NBEA: variants seen among roughly 807,000 people sequenced by gnomAD.
NBEA encodes neurobeachin.
Under a neutral mutation model 343.4 loss-of-function variants are expected in NBEA, and 44 were observed. The observed-to-expected ratio is 0.13, with a 90% CI of 0.10 to 0.16. The LOEUF is 0.16. Among genes scored for constraint, NBEA ranks in the 10% least tolerant of loss-of-function variants. The pLI is 1.00. For missense variants in NBEA, 2,555 were observed against 3,631.3 expected, an observed-to-expected ratio of 0.70 and a Z score of 7.62; for synonymous variants, 1,175 against 1,238.7, an observed-to-expected ratio of 0.95 and a Z score of 1.08.
chr13:35,140,471 C>T (rs2068024944), intron 17 of NBEA, among the ~76,000 whole-genome samples: 1 of 152,150 alleles, frequency 6.6e-6, no homozygotes, highest in African/African-American at 2.4e-5. Flanking sequence ...AGATTTAAAC[C>T]TTCCCTTCCA....
chr13:35,640,500 G>A (rs745351841), intron 49 of NBEA, among the ~76,000 whole-genome samples: 3 of 152,162 alleles, frequency 2.0e-5, no homozygotes, highest in East Asian at 1.9e-4. Context: ...ACCCATGCAC[G>A]GTGGCCCTGA....
chr13:34,947,456 AC>A (rs1459708109), intron 1 of NBEA, among the ~76,000 whole-genome samples: 1 of 152,106 alleles, frequency 6.6e-6, no homozygotes, highest in Non-Finnish European at 1.5e-5. Flanking sequence ...GTTTTGTGTC[AC>A]TGGTATAGCT....
intron 41 of NBEA, among the ~76,000 whole-genome samples, chr13:35,505,455 T>C (rs2077041014): frequency 6.6e-6 from 1 of 152,200 alleles, no homozygotes; most frequent in South Asian, 2.1e-4. Context: ...GGGAGTGTAA[T>C]CAGCTGTCAC....
chr13:35,295,092 G>A (rs2036038204), intron 35 of NBEA, among the ~76,000 whole-genome samples: 1 of 147,552 alleles, frequency 6.8e-6, no homozygotes, highest in African/African-American at 2.5e-5. Context: ...AAATTAAGTG[G>A]CCAGGCAATG....
intron 31 of NBEA, among the ~76,000 whole-genome samples, chr13:35,200,565 G>A (rs2072951269): frequency 1.3e-5 from 2 of 151,260 alleles, no homozygotes; most frequent in South Asian, 4.2e-4. Flanking sequence ...GCTTATAGTT[G>A]TGTTGCTTCT....
At chr13:34,949,766 T>C (rs1397826392) in intron 1 of NBEA, among the ~76,000 whole-genome samples, 3 of 152,118 alleles carry the variant, frequency 2.0e-5, no homozygotes. Context: ...GCTATATAAT[T>C]GGTCAGGTTT....
intron 41 of NBEA, among the ~76,000 whole-genome samples, chr13:35,483,429 A>G (rs770054371): frequency 1.2e-3 from 178 of 152,100 alleles, no homozygotes; most frequent in Non-Finnish European, 1.4e-3. Context: ...AATTGAGGCT[A>G]AAGAGTTTAT....
intron 1 of NBEA, among the ~76,000 whole-genome samples, chr13:35,002,476 G>T (rs1274595427): frequency 6.6e-6 from 1 of 152,066 alleles, no homozygotes; most frequent in East Asian, 1.9e-4. Context: ...ATATTTCTTG[G>T]TAACAACAGT....
In NBEA at chr13:35,671,233, T is replaced by C. The variant is rs1008781602; in HGVS notation, c.*242T>C. The C allele has an allele frequency of 5.1e-6, 2 of 395,500 alleles. No homozygotes were observed. Among genetic ancestry groups the C allele is most frequent in the African/African-American group, 2.0e-5 (1 of 50,470 alleles). The allele number at this position is 395,500 out of a possible 1,614,324, so 24.5% of individuals were successfully genotyped here. ...AAATTATATGAATTAGGAGATGTTT[T>C]GGTAATTATTTCATATATTGTTGTT... On this transcript the variant is annotated 3_prime_UTR_variant, in exon 59 of 59. Transcript: ENST00000379939.
chr13:35,476,651 C>A, intron 41 of NBEA: 1 of 533,170 alleles, frequency 1.9e-6, no homozygotes. Flanking sequence ...GGTGAGTGTG[C>A]GTGTGTATAT....
chr13:35,028,397 C>G (rs764944031), intron 1 of NBEA, among the ~76,000 whole-genome samples: 122 of 151,748 alleles, frequency 8.0e-4, no homozygotes, highest in Non-Finnish European at 1.5e-3. Flanking sequence ...TTTACATAGA[C>G]AATTAATTTT....
At chr13:35,263,986 G>GT (rs541983760) in intron 34 of NBEA, among the ~76,000 whole-genome samples, 8,082 of 146,804 alleles carry the variant, frequency 0.055, 303 homozygotes, top group Non-Finnish European at 0.084. Context: ...ACAAAGAGTT[G>GT]TTTTTTTTTT....
At chr13:35,415,908 A>C (rs1288739934) in intron 38 of NBEA, among the ~76,000 whole-genome samples, 1 of 151,946 alleles carries the variant, frequency 6.6e-6, no homozygotes, top group Non-Finnish European at 1.5e-5. Flanking sequence ...CTTTTATTTC[A>C]TTGAGCAGTG....
chr13:34,952,591 A>C (rs372353383), intron 1 of NBEA, among the ~76,000 whole-genome samples: 5 of 152,176 alleles, frequency 3.3e-5, no homozygotes, highest in African/African-American at 1.2e-4. Flanking sequence ...TGTATATACC[A>C]TATTTGCTTG....
intron 38 of NBEA, among the ~76,000 whole-genome samples, chr13:35,414,174 G>A (rs1332172386): frequency 6.6e-6 from 1 of 152,010 alleles, no homozygotes; most frequent in African/African-American, 2.4e-5. Flanking sequence ...CATATCATAG[G>A]ATAACATGAA....
At chr13:35,299,449 A>G (rs2036386294) in intron 35 of NBEA, among the ~76,000 whole-genome samples, 1 of 152,194 alleles carries the variant, frequency 6.6e-6, no homozygotes, top group South Asian at 2.1e-4. Flanking sequence ...GATTGTGAAG[A>G]GAACATAGGG....
Position 35,196,018 on chromosome 13 carries a change from T to G in NBEA, c.5082T>G (p.Ser1694Arg). The change falls in exon 31 of 59, where the codon AGT becomes AGG. Residue 1694 changes from serine to arginine, a missense_variant. This residue lies in a region of NBEA where 270 missense variants were observed against 293.3 expected (regional missense o/e 0.92). Coordinates refer to ENST00000379939, the MANE Select transcript of NBEA (RefSeq NM_001385012.1). ...SILNGAELET[S>R]TGPDAMSELL... is the part of the protein sequence containing the mutation. ...TGAATGGGGCAGAATTAGAAACAAG[T>G]ACAGGCCCTGATGCCATGAGTGAAC... 6.2e-7 allele frequency: 1 copy of G among 1,613,630 alleles called. No individual in the cohort carries two copies. Among genetic ancestry groups the G allele is most frequent in the Non-Finnish European group, 8.5e-7 (1 of 1,179,720 alleles).
intron 55 of NBEA, among the ~76,000 whole-genome samples, chr13:35,660,161 C>T (rs1014574747): frequency 3.3e-5 from 5 of 152,140 alleles, no homozygotes; most frequent in Non-Finnish European, 5.9e-5. Context: ...TTTCTCATTA[C>T]GTGCTGTAGC....
chr13:35,114,959 A>G (rs1448159548), intron 13 of NBEA, among the ~76,000 whole-genome samples: 3 of 152,166 alleles, frequency 2.0e-5, no homozygotes, highest in East Asian at 1.9e-4. Flanking sequence ...TCGTAGAACT[A>G]TTCATGTGTA....
Sources: gnomAD v4.1 joint callset for allele counts (sites outside exome capture counted in the v4.1 genomes callset) on GRCh38, gnomAD v4.1.1 for gene constraint, gnomAD v4.1.1 regional missense constraint, MANE v1.5 for transcripts, NCBI Gene and HGNC (gene_info 2026-07-23, HGNC 2026-07-21) for gene names.